DLGAP1: variants seen among roughly 807,000 people sequenced by gnomAD.
The protein encoded by DLGAP1 is disks large-associated protein 1.
A neutral mutation model predicts 90.8 loss-of-function variants in DLGAP1; 11 were observed. That is an observed-to-expected ratio of 0.12 (90% CI 0.08 to 0.20). DLGAP1 has a LOEUF of 0.20. DLGAP1 is among the 10% of genes least tolerant of loss of function. DLGAP1 has a pLI of 1.00. For synonymous variants in DLGAP1, 558 were observed against 540.7 expected (o/e 1.03, Z -0.44); for missense variants, 1,050 against 1,333.8 (o/e 0.79, Z 3.31).
At chr18:4,408,612 T>C (rs1280871249) in intron 1 of DLGAP1, among the ~76,000 whole-genome samples, 2 of 151,162 alleles carry the variant, frequency 1.3e-5, no homozygotes, top group Admixed American at 6.6e-5. Context: ...TTGATAGAAA[T>C]TGATAAAAGA....
At chr18:4,290,491 A>G (rs2079818962) in intron 1 of DLGAP1, among the ~76,000 whole-genome samples, 1 of 152,238 alleles carries the variant, frequency 6.6e-6, no homozygotes, top group African/African-American at 2.4e-5. Context: ...CGTGGACTCC[A>G]CATGGCAAGG....
At chr18:3,984,225 T>A (rs1378831399) in intron 3 of DLGAP1, 1 of 152,226 alleles carries the variant, frequency 6.6e-6, no homozygotes, top group Non-Finnish European at 1.5e-5. Flanking sequence ...TTCTGTTGTT[T>A]CAGCTGCCAG....
intron 3 of DLGAP1, among the ~76,000 whole-genome samples, chr18:3,965,897 G>A (rs996946421): frequency 7.2e-5 from 10 of 138,326 alleles, no homozygotes; most frequent in South Asian, 4.5e-4. Flanking sequence ...GCCGTGAGCC[G>A]AGATCCTACC....
chr18:3,965,559 A>G (rs1011316893), intron 3 of DLGAP1, among the ~76,000 whole-genome samples: 1 of 152,206 alleles, frequency 6.6e-6, no homozygotes, highest in African/African-American at 2.4e-5. Context: ...AGAGGCATCA[A>G]TATAGTGTTG....
chr18:3,646,750 T>C (rs1017673829), intron 7 of DLGAP1, among the ~76,000 whole-genome samples: 23 of 151,330 alleles, frequency 1.5e-4, no homozygotes, highest in South Asian at 6.3e-4. Flanking sequence ...CGGTGAAACC[T>C]CGTCTCTACT....
chr18:4,291,389 A>G (rs937307880), intron 1 of DLGAP1, among the ~76,000 whole-genome samples: 4 of 152,200 alleles, frequency 2.6e-5, no homozygotes, highest in Non-Finnish European at 4.4e-5. Flanking sequence ...GGCCTTTATC[A>G]CAAAACACTA....
At chr18:4,230,712 G>A (rs934081289) in intron 1 of DLGAP1, among the ~76,000 whole-genome samples, 2 of 148,744 alleles carry the variant, frequency 1.3e-5, no homozygotes, top group Admixed American at 6.8e-5. Flanking sequence ...GTATGTGACC[G>A]CAAAACAGGG....
chr18:3,547,260 C>T (rs548899273), intron 9 of DLGAP1, among the ~76,000 whole-genome samples: 28 of 144,588 alleles, frequency 1.9e-4, no homozygotes, highest in Admixed American at 1.8e-3. Context: ...CGAGATCGCG[C>T]CACTGCACTC....
intron 7 of DLGAP1, among the ~76,000 whole-genome samples, chr18:3,698,180 T>C (rs2061158370): frequency 6.6e-6 from 1 of 152,242 alleles, no homozygotes; most frequent in South Asian, 2.1e-4. Flanking sequence ...ATTTAGCCTG[T>C]TCAAATTTAA....
intron 7 of DLGAP1, among the ~76,000 whole-genome samples, chr18:3,601,846 G>GAAAAA (rs60470269): frequency 2.1e-5 from 2 of 96,980 alleles, no homozygotes; most frequent in African/African-American, 4.8e-5. Flanking sequence ...CTCCATCTCG[G>GAAAAA]AAAAAAAAAA....
In DLGAP1 at chr18:4,176,330, C is replaced by T. The variant is rs77546179; in HGVS notation, c.-266-25043G>A. On this transcript the variant is annotated intron_variant, in intron 1 of 12. Coordinates refer to ENST00000315677, the MANE Select transcript of DLGAP1 (RefSeq NM_004746.4). ...GTCTAGTGTTCCAGCCCTTCATTTC[C>T]AGATATTTATTGTATATCCTCTTCA... is the stretch of plus-strand genomic sequence containing the variant. 8.8e-3 allele frequency among the ~76,000 whole-genome samples: 1,336 copies of T among 152,264 alleles called. 22 individuals carry two copies. Among genetic ancestry groups the T allele is most frequent in the African/African-American group, 0.029 (1,188 of 41,546 alleles).
rs144702968 is a variant in DLGAP1, at chr18:3,859,244, G to A, written c.957+19868C>T. Reference sequence around the variant, plus strand: ...GTATTTTCATTTCATCACCATATACGTGAAATATCCAGGGACCAGTGCATA... The same window carrying A: ...GTATTTTCATTTCATCACCATATACATGAAATATCCAGGGACCAGTGCATA... On this transcript the variant is annotated intron_variant, in intron 4 of 12. Coordinates refer to ENST00000315677, the MANE Select transcript of DLGAP1 (RefSeq NM_004746.4). Among the ~76,000 whole-genome samples the A allele has an allele frequency of 1.9e-3, 284 of 152,144 alleles. 2 individuals are homozygous for A. The highest frequency in any genetic ancestry group is 0.011 in the Admixed American group (170 of 15,288).
chr18:4,123,178 C>T (rs1017967131), intron 2 of DLGAP1, among the ~76,000 whole-genome samples: 6 of 152,074 alleles, frequency 3.9e-5, no homozygotes, highest in African/African-American at 1.2e-4. Flanking sequence ...GAAGCACCAG[C>T]CTATGTAGGT....
intron 7 of DLGAP1, among the ~76,000 whole-genome samples, chr18:3,588,241 C>T (rs2056010007): frequency 6.6e-6 from 1 of 152,172 alleles, no homozygotes; most frequent in African/African-American, 2.4e-5. Context: ...GGCCAGATCA[C>T]CTGAGGTTGG....
At chr18:4,413,106 TG>T (rs1302121361) in intron 1 of DLGAP1, among the ~76,000 whole-genome samples, 3 of 152,162 alleles carry the variant, frequency 2.0e-5, no homozygotes, top group African/African-American at 7.2e-5. Flanking sequence ...GAGACAGGCA[TG>T]GTGTTCAGAT....
chr18:3,732,189 T>C (rs1448479047), intron 6 of DLGAP1, among the ~76,000 whole-genome samples: 2 of 152,206 alleles, frequency 1.3e-5, no homozygotes, highest in Non-Finnish European at 2.9e-5. Context: ...TTCCTCTGCA[T>C]TTTGTATTGC....
chr18:4,255,446 A>G (rs1455261426), intron 1 of DLGAP1, among the ~76,000 whole-genome samples: 1 of 151,382 alleles, frequency 6.6e-6, no homozygotes, highest in African/African-American at 2.4e-5. Context: ...TTGCAACTCT[A>G]TGTATATACA....
At chr18:4,117,379 T>A (rs989031295) in intron 2 of DLGAP1, among the ~76,000 whole-genome samples, 1 of 152,232 alleles carries the variant, frequency 6.6e-6, no homozygotes, top group Non-Finnish European at 1.5e-5. Context: ...AACTTTTGCA[T>A]AATACATTGT....
At chr18:4,197,716 A>G (rs1004783794) in intron 1 of DLGAP1, among the ~76,000 whole-genome samples, 3 of 152,176 alleles carry the variant, frequency 2.0e-5, no homozygotes, top group African/African-American at 7.2e-5. Flanking sequence ...CAGAATATCT[A>G]GGCTGGAATT....
Sources: gnomAD v4.1 joint callset for allele counts (sites outside exome capture counted in the v4.1 genomes callset) on GRCh38, gnomAD v4.1.1 for gene constraint, MANE v1.5 for transcripts, NCBI Gene and HGNC (gene_info 2026-07-23, HGNC 2026-07-21) for gene names.